Variants in SDHA observed in about 807,000 individuals in gnomAD.
SDHA encodes succinate dehydrogenase [ubiquinone] flavoprotein subunit, mitochondrial.
A neutral mutation model predicts 78.4 loss-of-function variants in SDHA; 48 were observed. The ratio of observed to expected loss-of-function variants is 0.61; its 90% CI spans 0.49 to 0.78. The LOEUF is 0.78. Ranked by LOEUF, SDHA falls within the 30% of genes least tolerant of loss-of-function variation. The pLI, the probability that SDHA is intolerant of heterozygous loss-of-function variation, is 0.00. For missense variants in SDHA, 680 were observed against 892.7 expected (o/e 0.76, Z 3.04); for synonymous variants, 326 against 353.9 (o/e 0.92, Z 0.88).
At chr5:248,501 A>G (rs1736611269) in intron 11 of SDHA, among the ~76,000 whole-genome samples, 1 of 152,220 alleles carries the variant, frequency 6.6e-6, no homozygotes, top group Admixed American at 6.5e-5. Context: ...TATTGGGCAT[A>G]TTTATCAATC....
intron 11 of SDHA, chr5:250,092 G>C (rs1418473518): frequency 6.6e-6 from 1 of 152,236 alleles, no homozygotes; most frequent in Non-Finnish European, 1.5e-5. Context: ...GGACATGAAA[G>C]AATGTAATAC....
chr5:231,223 A>G (rs1351010690), intron 7 of SDHA, among the ~76,000 whole-genome samples: 1 of 152,134 alleles, frequency 6.6e-6, no homozygotes, highest in Non-Finnish European at 1.5e-5. Flanking sequence ...GTATTTCTCA[A>G]GAGCGCTAAA....
At chr5:220,832 A>T (rs1460672671) in intron 1 of SDHA, among the ~76,000 whole-genome samples, 10 of 93,952 alleles carry the variant, frequency 1.1e-4, no homozygotes, top group African/African-American at 9.3e-4. Context: ...TTTTTTTTTG[A>T]GACAGAGTCT....
the SDHA span, among the ~76,000 whole-genome samples, chr5:262,603 T>C: frequency 6.6e-6 from 1 of 152,166 alleles, no homozygotes; most frequent in South Asian, 2.1e-4. Flanking sequence ...ATCCCCACAC[T>C]TGTCCGTGGA....
chr5:218,515 G>A, intron 1 of SDHA, 97 bp downstream of exon 1: 1 of 946,334 alleles, frequency 1.1e-6, no homozygotes, highest in Non-Finnish European at 1.4e-6. Flanking sequence ...GCGGGCGCCG[G>A]GTCCCTGCGC....
intron 8 of SDHA, chr5:234,351 G>T (rs7730503): frequency 0.24 from 35,929 of 151,046 alleles, 6,707 homozygotes; most frequent in African/African-American, 0.53. Flanking sequence ...CCTGGGAGGC[G>T]GAGCTTGCAG....
intron 10 of SDHA, among the ~76,000 whole-genome samples, chr5:239,427 A>G (rs183997952): frequency 0.01 from 1,567 of 151,986 alleles, 9 homozygotes; most frequent in Non-Finnish European, 0.015. Flanking sequence ...GTATGGTGGC[A>G]TATTCCTGTA....
chr5:221,089 A>G (rs1432579637), intron 1 of SDHA, among the ~76,000 whole-genome samples: 2 of 152,182 alleles, frequency 1.3e-5, no homozygotes, highest in Non-Finnish European at 2.9e-5. Flanking sequence ...CTGGGATTAC[A>G]GGTGTGAGCC....
Position 228,260 on chromosome 5 carries a change from G to T in SDHA, c.697G>T (p.Gly233Cys). The T allele has an allele frequency of 6.2e-7, 1 of 1,613,662 alleles. No homozygotes were observed. Among genetic ancestry groups the T allele is most frequent in the South Asian group, 1.1e-5 (1 of 91,062 alleles). The change falls in exon 6 of 15, where the codon GGT (glycine) becomes TGT (cysteine). Residue 233 changes from glycine (G) to cysteine (C), a missense_variant. By Grantham distance (159) the Gly-to-Cys change is radical (BLOSUM62 -3). Coordinates refer to ENST00000264932, the MANE Select transcript of SDHA (RefSeq NM_004168.4). ...CCTGATGGAGAATGGGGAGTGCCGT[G>T]GTGTCATCGCACTGTGCATAGAGGA... The part of the protein sequence containing the change: ...DLLMENGECR[G>C]VIALCIEDGS...
chr5:225,478 C>A lies in SDHA; in HGVS notation c.372C>A (p.Tyr124Ter). The A allele has an allele frequency of 6.2e-7, 1 of 1,613,658 alleles. No homozygotes were observed. Among genetic ancestry groups the A allele is most frequent in the Non-Finnish European group, 8.5e-7 (1 of 1,179,854 alleles). The part of the protein sequence containing the change: ...MEEDNWRWHF[Y>*]DTVKGSDWLG... ...AGGACAACTGGAGGTGGCATTTCTA[C>A]GACACCGTGAAGGGCTCCGACTGGC... The change falls in exon 4 of 15, where the codon TAC (tyrosine) becomes TAA (stop). Residue 124 changes from tyrosine (Y) to a stop codon, truncating the protein, a stop_gained. Coordinates refer to ENST00000264932, the MANE Select transcript of SDHA (RefSeq NM_004168.4). LOFTEE classifies it high-confidence loss of function.
chr5:258,846 C>G (rs1737378607), downstream of SDHA, among the ~76,000 whole-genome samples: 1 of 72,782 alleles, frequency 1.4e-5, no homozygotes, highest in Non-Finnish European at 2.6e-5. Flanking sequence ...CAGAGCATTA[C>G]TGTGAGCTCC....
At chr5:224,559 C>T (rs1379095831) in intron 3 of SDHA, 38 bp downstream of exon 3, 31 of 1,606,948 alleles carry the variant, frequency 1.9e-5, no homozygotes, top group Non-Finnish European at 2.6e-5. Context: ...CCACTCCGTG[C>T]AGGTCCCGCG....
At chr5:248,544 C>G (rs1343561433) in intron 11 of SDHA, among the ~76,000 whole-genome samples, 1 of 152,124 alleles carries the variant, frequency 6.6e-6, no homozygotes, top group Admixed American at 6.5e-5. Context: ...TGTAATCACT[C>G]TATGATGCAG....
At position 223,508 on chromosome 5, in the gene SDHA, C is replaced by A; in HGVS notation, c.90C>A (p.Thr30=). The A allele has an allele frequency of 1.9e-6, 3 of 1,613,664 alleles. No individual in the cohort carries two copies. The highest frequency in any genetic ancestry group is 2.5e-6 in the Non-Finnish European group (3 of 1,179,592). The change falls in exon 2 of 15, where the codon ACC becomes ACA. Residue 30 remains threonine, a synonymous_variant. Transcript: ENST00000264932. The part of the protein sequence containing the change: ...KAWPTVLQTG[T]RGFHFTVDGN... Reference sequence around the variant, plus strand: ...GGCCAACAGTGTTGCAAACAGGAACCCGAGGTTTTCACTTCACTGTTGATG... The same window carrying A: ...GGCCAACAGTGTTGCAAACAGGAACACGAGGTTTTCACTTCACTGTTGATG...
At position 256,429 on chromosome 5, in the gene SDHA, G is replaced by A. The variant is rs1396942533; in HGVS notation, c.*9G>A. The stretch of plus-strand genomic sequence containing the variant: ...CCATTCGCTCCTACTGATGAGACAA[G>A]ATGTGGTGATGACAGAATCAGCTTT... On this transcript the variant is annotated 3_prime_UTR_variant, in exon 15 of 15. Transcript: ENST00000264932. 1.9e-6 allele frequency: 3 copies of A among 1,599,570 alleles called. No individual in the cohort carries two copies. Among genetic ancestry groups the A allele is most frequent in the Non-Finnish European group, 2.6e-6 (3 of 1,167,084 alleles).
intron 6 of SDHA, among the ~76,000 whole-genome samples, chr5:230,292 T>C (rs1404246518): frequency 6.6e-6 from 1 of 152,178 alleles, no homozygotes; most frequent in African/African-American, 2.4e-5. Context: ...AAAAGTAGTA[T>C]ATGCTTATTG....
At chr5:264,777 G>A in the SDHA span, among the ~76,000 whole-genome samples, 1 of 152,218 alleles carries the variant, frequency 6.6e-6, no homozygotes, top group African/African-American at 2.4e-5. Context: ...GTGAGCCATA[G>A]TTTAAAGACA....
At chr5:259,151 T>C (rs866225155), downstream of SDHA, among the ~76,000 whole-genome samples, 1 of 30,520 alleles carries the variant, frequency 3.3e-5, no homozygotes, top group Non-Finnish European at 5.7e-5. Flanking sequence ...CCGCCTCCCG[T>C]CACAGCATTA....
the SDHA span, among the ~76,000 whole-genome samples, chr5:266,266 G>A: frequency 6.6e-5 from 10 of 152,238 alleles, no homozygotes; most frequent in South Asian, 2.1e-4. Context: ...TAATATGGGC[G>A]TTTGAGCAAA....
Sources: gnomAD v4.1 joint callset for allele counts (sites outside exome capture counted in the v4.1 genomes callset) on GRCh38, gnomAD v4.1.1 for gene constraint, MANE v1.5 for transcripts, NCBI Gene and HGNC (gene_info 2026-07-23, HGNC 2026-07-21) for gene names.